RGS6: variants seen among roughly 807,000 people sequenced by gnomAD.
RGS6 encodes the protein regulator of G protein signaling 6, also known as regulator of G-protein signaling 6.
In RGS6, 30 loss-of-function variants were observed where a neutral mutation model predicts 78.5. The observed-to-expected ratio is 0.38, with a 90% CI of 0.29 to 0.52. The LOEUF is 0.52. Ranked by LOEUF, RGS6 falls within the 20% of genes least tolerant of loss-of-function variation. The pLI, the probability that RGS6 is intolerant of heterozygous loss-of-function variation, is 0.85. For missense variants in RGS6, 495 were observed against 609.7 expected, an observed-to-expected ratio of 0.81 and a Z score of 1.98; for synonymous variants, 206 against 206.0, an observed-to-expected ratio of 1.00 and a Z score of 0.00.
intron 2 of RGS6, among the ~76,000 whole-genome samples, chr14:72,155,870 A>G (rs2096762910): frequency 6.6e-6 from 1 of 152,212 alleles, no homozygotes. Context: ...CTAGGTGCAT[A>G]TCTGTACTAG....
intron 2 of RGS6, among the ~76,000 whole-genome samples, chr14:72,146,950 C>T (rs1323410576): frequency 1.3e-5 from 2 of 152,186 alleles, no homozygotes; most frequent in Non-Finnish European, 2.9e-5. Context: ...AGGACATAGA[C>T]ACAATTCCAC....
At chr14:72,548,370 TG>T (rs1434879384) in intron 17 of RGS6, among the ~76,000 whole-genome samples, 62 of 151,746 alleles carry the variant, frequency 4.1e-4, no homozygotes, top group African/African-American at 1.5e-3. Context: ...TGTGTGTGTG[TG>T]TTTTAAATTC....
At chr14:71,893,106 A>G in the RGS6 span, among the ~76,000 whole-genome samples, 1 of 152,222 alleles carries the variant, frequency 6.6e-6, no homozygotes, top group Non-Finnish European at 1.5e-5. Flanking sequence ...GTTAATATTT[A>G]TGTACTCTAA....
intron 2 of RGS6, among the ~76,000 whole-genome samples, chr14:72,139,272 T>G (rs1427097587): frequency 6.6e-6 from 1 of 152,240 alleles, no homozygotes; most frequent in African/African-American, 2.4e-5. Flanking sequence ...GGTTTCTGCC[T>G]AGTTTTCTAA....
At chr14:71,945,252 A>C (rs767574607) in intron 1 of RGS6, among the ~76,000 whole-genome samples, 60 of 152,176 alleles carry the variant, frequency 3.9e-4, no homozygotes, top group Non-Finnish European at 1.3e-4. Context: ...CATTATATGT[A>C]CTTATATATT....
chr14:72,365,372 G>GAC (rs1447056456), intron 3 of RGS6, among the ~76,000 whole-genome samples: 3 of 152,190 alleles, frequency 2.0e-5, no homozygotes, highest in African/African-American at 7.2e-5. Flanking sequence ...ATTCACAGGT[G>GAC]ACATAGAAGG....
In RGS6 at chr14:72,059,047, G is replaced by A. The variant is rs565912653; in HGVS notation, c.84+94172G>A. On this transcript the variant is annotated intron_variant, in intron 2 of 17. Transcript: ENST00000553525. The stretch of plus-strand genomic sequence containing the variant: ...GCCTCCCAAGTAGCCGGGACTACAG[G>A]TGCCACCATGCCTGGCTAATTTTTG... Among the ~76,000 whole-genome samples the A allele has an allele frequency of 4.0e-4, 61 of 152,156 alleles. 1 individual carries two copies. In the East Asian group the frequency reaches 0.011, roughly 27 times the overall value.
At chr14:72,555,795 G>A (rs911943912) in intron 17 of RGS6, among the ~76,000 whole-genome samples, 3 of 152,236 alleles carry the variant, frequency 2.0e-5, no homozygotes, top group African/African-American at 7.2e-5. Context: ...AAGTAAGTGC[G>A]GGTGCTTGTA....
chr14:72,506,984 T>TAAACAA (rs2096810911), intron 13 of RGS6, among the ~76,000 whole-genome samples: 1 of 54,378 alleles, frequency 1.8e-5, no homozygotes, highest in African/African-American at 4.6e-5. Context: ...CTGTCTCTAC[T>TAAACAA]AAAAAAAAAA....
chr14:72,618,379 C>T, the RGS6 span, among the ~76,000 whole-genome samples: 4 of 152,232 alleles, frequency 2.6e-5, no homozygotes, highest in African/African-American at 9.6e-5. Flanking sequence ...GCAGCCTTCG[C>T]TCCCCTTCCT....
intron 2 of RGS6, among the ~76,000 whole-genome samples, chr14:72,048,029 A>G (rs1208441287): frequency 6.6e-6 from 1 of 151,358 alleles, no homozygotes; most frequent in African/African-American, 2.4e-5. Flanking sequence ...GAGGTAGACT[A>G]CCACATGGTA....
the RGS6 span, among the ~76,000 whole-genome samples, chr14:72,575,247 T>C: frequency 6.6e-6 from 1 of 151,950 alleles, no homozygotes; most frequent in East Asian, 1.9e-4. Flanking sequence ...TGGAGAGGCA[T>C]ACAAGGGTCA....
chr14:72,355,198 C>CT (rs374468114), intron 3 of RGS6, among the ~76,000 whole-genome samples: 18,111 of 142,700 alleles, frequency 0.13, 1,058 homozygotes, highest in East Asian at 0.18. Flanking sequence ...TCCTCTGGTT[C>CT]TTTTTTTTTT....
At chr14:72,223,894 T>A (rs2047475257) in intron 2 of RGS6, among the ~76,000 whole-genome samples, 1 of 152,248 alleles carries the variant, frequency 6.6e-6, no homozygotes, top group Admixed American at 6.5e-5. Context: ...CTGGAATCTG[T>A]GTGGTTAGTA....
chr14:72,415,415 C>A (rs6574076), intron 3 of RGS6, among the ~76,000 whole-genome samples: 30,696 of 152,154 alleles, frequency 0.2, 3,587 homozygotes, highest in South Asian at 0.32. Context: ...TGGAAGTGAC[C>A]CAATTTTCTG....
chr14:71,905,044 T>C, the RGS6 span, among the ~76,000 whole-genome samples: 1 of 152,162 alleles, frequency 6.6e-6, no homozygotes, highest in Non-Finnish European at 1.5e-5. Context: ...CACTCTTAGC[T>C]GGTTCTGTTA....
intron 2 of RGS6, among the ~76,000 whole-genome samples, chr14:72,093,392 G>A (rs2095327304): frequency 6.6e-6 from 1 of 152,016 alleles, no homozygotes; most frequent in African/African-American, 2.4e-5. Context: ...AAAGGTGCAT[G>A]CCACCACGCC....
At chr14:72,392,214 G>T (rs2090165720) in intron 3 of RGS6, among the ~76,000 whole-genome samples, 1 of 151,354 alleles carries the variant, frequency 6.6e-6, no homozygotes, top group Non-Finnish European at 1.5e-5. Context: ...TTGTCACAAG[G>T]ATTTGACCTT....
At chr14:72,315,176 G>A (rs1478384097) in intron 2 of RGS6, among the ~76,000 whole-genome samples, 2 of 152,128 alleles carry the variant, frequency 1.3e-5, no homozygotes, top group Non-Finnish European at 2.9e-5. Flanking sequence ...AGAAACAAAA[G>A]CCAAGAAGGA....
Sources: gnomAD v4.1 joint callset for allele counts (sites outside exome capture counted in the v4.1 genomes callset) on GRCh38, gnomAD v4.1.1 for gene constraint, MANE v1.5 for transcripts, NCBI Gene and HGNC (gene_info 2026-07-23, HGNC 2026-07-21) for gene names.